LUZP1: variants seen among roughly 807,000 people sequenced by gnomAD.
LUZP1 encodes the protein filamin mechanobinding actin cross-linking protein.
A neutral mutation model predicts 71.3 loss-of-function variants in LUZP1; 25 were observed. The observed-to-expected ratio is 0.35, with a 90% CI of 0.26 to 0.49. LUZP1 has a LOEUF of 0.49. Ranked by LOEUF, LUZP1 falls within the 20% of genes least tolerant of loss-of-function variation. The probability of loss-of-function intolerance (pLI) is 0.99; values close to 1 mark genes in which losing one functional copy is unlikely to be tolerated. For synonymous variants in LUZP1, 481 were observed against 506.4 expected (o/e 0.95, Z 0.67); for missense variants, 1,142 against 1,300.8 (o/e 0.88, Z 1.88).
exon 5 of LUZP1, chr1:23,088,978 C>T (rs1008379232): frequency 6.2e-7 from 1 of 1,614,190 alleles, no homozygotes; most frequent in African/African-American, 1.3e-5. Flanking sequence ...CCCTGCTTCC[C>T]AGGCAGTTCA....
intron 2 of LUZP1, among the ~76,000 whole-genome samples, chr1:23,168,560 C>G (rs1248555271): frequency 1.3e-5 from 2 of 151,262 alleles, no homozygotes; most frequent in Non-Finnish European, 2.9e-5. Context: ...GGGTCTCGCC[C>G]CAAAAGGTCT....
chr1:23,084,068 A>G (rs1395957042), exon 5 of LUZP1: 1 of 152,204 alleles, frequency 6.6e-6, no homozygotes, highest in African/African-American at 2.4e-5. Context: ...GATTCCCTCC[A>G]TGGGTATGTG....
chr1:23,140,019 A>C (rs1396829682), intron 2 of LUZP1, among the ~76,000 whole-genome samples: 1 of 151,856 alleles, frequency 6.6e-6, no homozygotes, highest in Non-Finnish European at 1.5e-5. Flanking sequence ...GTTTTGGAGA[A>C]GTCAAAGGTT....
intron 2 of LUZP1, among the ~76,000 whole-genome samples, chr1:23,149,938 G>A (rs1411159530): frequency 1.4e-5 from 2 of 142,286 alleles, no homozygotes. Context: ...CTCCAGCCTG[G>A]TGACGGAGCC....
At chr1:23,085,678 G>C (rs139076782) in exon 5 of LUZP1, 1 of 152,312 alleles carries the variant, frequency 6.6e-6, no homozygotes, top group Non-Finnish European at 1.5e-5. Flanking sequence ...CTCCACTGAC[G>C]GGGGTTATTT....
At chr1:23,116,352 C>G (rs1371718283) in intron 2 of LUZP1, among the ~76,000 whole-genome samples, 1 of 152,094 alleles carries the variant, frequency 6.6e-6, no homozygotes, top group Non-Finnish European at 1.5e-5. Flanking sequence ...CCAGCCTGGA[C>G]AGAGTGAGAC....
intron 2 of LUZP1, among the ~76,000 whole-genome samples, chr1:23,150,444 C>T (rs550291265): frequency 4.9e-4 from 75 of 152,014 alleles, no homozygotes; most frequent in African/African-American, 1.5e-3. Flanking sequence ...CAGAAAAAGC[C>T]GTGTTTTCAC....
At chr1:23,176,884 TG>T (rs1003097541) in intron 1 of LUZP1, among the ~76,000 whole-genome samples, 6 of 111,612 alleles carry the variant, frequency 5.4e-5, no homozygotes, top group African/African-American at 2.2e-4. Context: ...GGGGGTTTTT[TG>T]TTTTTTGTTT....
At chr1:23,144,739 TCTC>T (rs1644329456) in intron 2 of LUZP1, among the ~76,000 whole-genome samples, 1 of 152,198 alleles carries the variant, frequency 6.6e-6, no homozygotes. Flanking sequence ...AATGATCTCT[TCTC>T]TCATTCCAAA....
At chr1:23,113,079 A>C (rs1644047408) in intron 2 of LUZP1, among the ~76,000 whole-genome samples, 2 of 152,210 alleles carry the variant, frequency 1.3e-5, no homozygotes. Context: ...TGAAGAATAC[A>C]ATTCCAAATT....
intron 2 of LUZP1, among the ~76,000 whole-genome samples, chr1:23,156,152 A>C (rs981602070): frequency 2.0e-5 from 3 of 152,142 alleles, no homozygotes; most frequent in African/African-American, 7.2e-5. Flanking sequence ...AGGCCAAGGC[A>C]GGTGAATCAC....
At chr1:23,085,609 T>C (rs1381278663) in exon 5 of LUZP1, 3 of 152,328 alleles carry the variant, frequency 2.0e-5, no homozygotes, top group Non-Finnish European at 4.4e-5. Flanking sequence ...TATAAAGAAC[T>C]AAAACTGCCC....
At position 23,131,599 on chromosome 1, in the gene LUZP1, C is replaced by T. The variant is rs138612788; in HGVS notation, c.-225-22472G>A. 3.0e-3 allele frequency among the ~76,000 whole-genome samples: 459 copies of T among 152,228 alleles called. 2 individuals are homozygous for T. The highest frequency in any genetic ancestry group is 5.2e-3 in the Non-Finnish European group (352 of 68,012). The stretch of plus-strand genomic sequence containing the variant: ...TCAATAAATATTAATCCAAAAAAAA[C>T]GAGTTTGTTTCCTCTCACCTAATAC... On this transcript the variant is annotated intron_variant, in intron 2 of 4. Coordinates refer to ENST00000302291, the Ensembl canonical transcript of LUZP1.
chr1:23,083,643 TTTTG>T (rs755283892), downstream of LUZP1: 32 of 233,336 alleles, frequency 1.4e-4, no homozygotes, highest in African/African-American at 1.4e-4. Context: ...TGTGTGGGGT[TTTTG>T]TTTTTTTTTT....
intron 3 of LUZP1, among the ~76,000 whole-genome samples, chr1:23,103,864 G>C (rs1180723883): frequency 1.1e-4 from 1 of 8,766 alleles, no homozygotes. Context: ...GGGAGGGAGG[G>C]AGGGAGGGAG....
exon 4 of LUZP1, chr1:23,092,464 G>A: frequency 2.5e-6 from 4 of 1,614,182 alleles, no homozygotes; most frequent in Non-Finnish European, 2.5e-6. Context: ...GATAGAACAG[G>A]AGCCTTGGAA....
At chr1:23,166,920 C>G (rs1355284678) in intron 2 of LUZP1, among the ~76,000 whole-genome samples, 1 of 152,164 alleles carries the variant, frequency 6.6e-6, no homozygotes, top group Non-Finnish European at 1.5e-5. Flanking sequence ...AACCCATTCC[C>G]TTCCCAGCTC....
At chr1:23,088,881 G>A in exon 5 of LUZP1, 7 of 1,612,480 alleles carry the variant, frequency 4.3e-6, no homozygotes, top group Non-Finnish European at 5.1e-6. Context: ...GCAGACAACA[G>A]ACACCCAGCG....
intron 2 of LUZP1, among the ~76,000 whole-genome samples, chr1:23,156,568 A>G (rs1244396503): frequency 6.6e-6 from 1 of 152,226 alleles, no homozygotes; most frequent in African/African-American, 2.4e-5. Flanking sequence ...AGTGACATTA[A>G]TACAACCTAA....
Sources: allele counts gnomAD v4.1 joint callset (sites outside exome capture counted in the v4.1 genomes callset), GRCh38; gene constraint gnomAD v4.1.1; transcripts MANE v1.5; gene names NCBI Gene and HGNC (gene_info 2026-07-23, HGNC 2026-07-21).